MFHAS1: variants seen among roughly 807,000 people sequenced by gnomAD.
MFHAS1 encodes the protein multifunctional ROCO family signaling regulator 1, also known as malignant fibrous histiocytoma-amplified sequence 1.
A neutral mutation model predicts 70.4 loss-of-function variants in MFHAS1; 50 were observed. The ratio of observed to expected loss-of-function variants is 0.71; its 90% CI spans 0.57 to 0.90. MFHAS1 has a LOEUF of 0.90. MFHAS1 is among the 40% of genes least tolerant of loss of function. MFHAS1 has a pLI of 0.00. For missense variants in MFHAS1, 1,795 were observed against 1,347.6 expected (o/e 1.33, Z -5.20); for synonymous variants, 952 against 620.0 (o/e 1.54, Z -7.96).
At position 8,824,549 on chromosome 8, in the gene MFHAS1, A is replaced by T. The variant is rs3989406; in HGVS notation, c.2999-27058T>A. Reference sequence around the variant, plus strand: ...CACACACACACACACACACACACACACACACACACACACACACACCCCTTT... The same window carrying T: ...CACACACACACACACACACACACACTCACACACACACACACACACCCCTTT... On this transcript the variant is annotated intron_variant, in intron 1 of 2. Coordinates refer to ENST00000276282, the MANE Select transcript of MFHAS1 (RefSeq NM_004225.3). 1.7e-4 allele frequency among the ~76,000 whole-genome samples: 9 copies of T among 52,140 alleles called. No individual in the cohort carries two copies. In the East Asian group the frequency reaches 0.028, roughly 165 times the overall value. 34.2% of individuals were successfully genotyped at this position (52,140 alleles called of 152,430 possible).
intron 1 of MFHAS1, among the ~76,000 whole-genome samples, chr8:8,811,526 C>T (rs1377388345): frequency 6.6e-6 from 1 of 152,240 alleles, no homozygotes; most frequent in East Asian, 1.9e-4. Context: ...GATCCTCCCA[C>T]TTCAGCCTCC....
chr8:8,893,578 G>A lies in MFHAS1; in HGVS notation c.-520C>T, dbSNP rs1202480028. The A allele has an allele frequency of 1.4e-5, 2 of 146,596 alleles. No individual in the cohort carries two copies. Among genetic ancestry groups the A allele is most frequent in the East Asian group, 2.0e-4 (1 of 5,062 alleles). 9.1% of individuals were successfully genotyped at this position (146,596 alleles called of 1,614,324 possible). On this transcript the variant is annotated 5_prime_UTR_variant, in exon 1 of 3. Transcript: ENST00000276282. ...TGTCTCCGTTTCCCCGGGCTCGGGC[G>A]GGAGCGCGGGCGCCGCGTCCCCGGC...
Position 8,812,768 on chromosome 8 carries a change from C to T in MFHAS1, c.2999-15277G>A, listed in dbSNP as rs572657215. ...AATACAGTCAGGCACTGTCTAATGA[C>T]TTCTTTTTTGCCTTTTTGATATAGA... On this transcript the variant is annotated intron_variant, in intron 1 of 2. Coordinates refer to ENST00000276282, the MANE Select transcript of MFHAS1 (RefSeq NM_004225.3). Among the ~76,000 whole-genome samples the T allele has an allele frequency of 4.0e-5, 6 of 150,578 alleles. No homozygotes were observed. The South Asian group carries it at 1.3e-3, about 32-fold the overall frequency.
chr8:8,866,349 C>A (rs181716527), intron 1 of MFHAS1, among the ~76,000 whole-genome samples: 404 of 149,882 alleles, frequency 2.7e-3, no homozygotes, highest in African/African-American at 9.5e-3. Context: ...GAGACAGGGT[C>A]TTACTGTCCT....
chr8:8,806,036 T>A (rs1806277322), intron 1 of MFHAS1, among the ~76,000 whole-genome samples: 1 of 152,104 alleles, frequency 6.6e-6, no homozygotes, highest in African/African-American at 2.4e-5. Flanking sequence ...GTTTTAAAAA[T>A]AATTCATACA....
intron 1 of MFHAS1, among the ~76,000 whole-genome samples, chr8:8,808,374 T>A (rs149164521): frequency 1.6e-3 from 245 of 152,206 alleles, no homozygotes; most frequent in South Asian, 2.9e-3. Flanking sequence ...TGCTCATCAC[T>A]TAGGCACTTT....
chr8:8,871,985 C>A (rs968946562), intron 1 of MFHAS1, among the ~76,000 whole-genome samples: 1 of 152,194 alleles, frequency 6.6e-6, no homozygotes, highest in Non-Finnish European at 1.5e-5. Context: ...TGAAAATCTG[C>A]CCCATTCCAG....
At chr8:8,879,295 G>A (rs1215611323) in intron 1 of MFHAS1, among the ~76,000 whole-genome samples, 3 of 152,052 alleles carry the variant, frequency 2.0e-5, no homozygotes, top group Admixed American at 2.0e-4. Flanking sequence ...AAGCTGCAGT[G>A]AGCCAAGATC....
chr8:8,844,144 G>C (rs186378674), intron 1 of MFHAS1, among the ~76,000 whole-genome samples: 258 of 152,280 alleles, frequency 1.7e-3, no homozygotes, highest in African/African-American at 6.0e-3. Flanking sequence ...TACTAACCTA[G>C]CAAGAGAACT....
chr8:8,849,282 T>C (rs559333978), intron 1 of MFHAS1, among the ~76,000 whole-genome samples: 5 of 152,184 alleles, frequency 3.3e-5, no homozygotes, highest in Non-Finnish European at 5.9e-5. Flanking sequence ...GGTTTTGCCA[T>C]GTTGTTCAGG....
intron 2 of MFHAS1, chr8:8,790,339 C>T: frequency 3.1e-6 from 3 of 981,582 alleles, no homozygotes; most frequent in Non-Finnish European, 3.6e-6. Flanking sequence ...AAAATTGGTG[C>T]TCCTAAAGTC....
intron 1 of MFHAS1, among the ~76,000 whole-genome samples, chr8:8,837,967 A>G (rs746113806): frequency 2.0e-5 from 3 of 152,202 alleles, no homozygotes; most frequent in Admixed American, 6.5e-5. Flanking sequence ...CCAGCACACA[A>G]AGACTTGTAC....
intron 1 of MFHAS1, among the ~76,000 whole-genome samples, chr8:8,833,919 A>G (rs937709125): frequency 3.9e-5 from 6 of 152,180 alleles, no homozygotes; most frequent in Admixed American, 3.9e-4. Context: ...TGAGGACAGG[A>G]GTTCAACACC....
At chr8:8,841,460 T>C (rs117234614) in intron 1 of MFHAS1, among the ~76,000 whole-genome samples, 14,062 of 140,056 alleles carry the variant, frequency 0.1, 945 homozygotes, top group Non-Finnish European at 0.16. Flanking sequence ...AGATCAAGAC[T>C]TCGTCTCAAA....
intron 1 of MFHAS1, among the ~76,000 whole-genome samples, chr8:8,858,562 T>A (rs369032752): frequency 6.6e-6 from 1 of 152,156 alleles, no homozygotes. Flanking sequence ...ATTAAAAATA[T>A]GCCTTTTGGG....
At chr8:8,848,082 G>C (rs1190176578) in intron 1 of MFHAS1, among the ~76,000 whole-genome samples, 1 of 152,178 alleles carries the variant, frequency 6.6e-6, no homozygotes, top group Non-Finnish European at 1.5e-5. Flanking sequence ...TGAACTGCTG[G>C]GACAATCATC....
intron 1 of MFHAS1, among the ~76,000 whole-genome samples, chr8:8,848,753 C>A (rs1413492732): frequency 6.6e-6 from 1 of 152,150 alleles, no homozygotes; most frequent in African/African-American, 2.4e-5. Flanking sequence ...ATGAAAAACA[C>A]AGACTGCTAT....
At chr8:8,881,751 T>C (rs1809531244) in intron 1 of MFHAS1, among the ~76,000 whole-genome samples, 1 of 151,322 alleles carries the variant, frequency 6.6e-6, no homozygotes, top group African/African-American at 2.4e-5. Flanking sequence ...GGAGAATCAC[T>C]TGAACTTAGG....
intron 1 of MFHAS1, among the ~76,000 whole-genome samples, chr8:8,857,176 C>A (rs976385371): frequency 6.6e-6 from 1 of 152,044 alleles, no homozygotes; most frequent in Non-Finnish European, 1.5e-5. Flanking sequence ...CCTATCAATT[C>A]AAAGCAATAA....
Sources: allele counts gnomAD v4.1 joint callset (sites outside exome capture counted in the v4.1 genomes callset), GRCh38; gene constraint gnomAD v4.1.1; transcripts MANE v1.5; gene names NCBI Gene and HGNC (gene_info 2026-07-23, HGNC 2026-07-21).